The following SYNPR variants were observed in gnomAD, a reference collection of about 807,000 sequenced individuals.
SYNPR encodes synaptoporin.
Under a neutral mutation model 32.9 loss-of-function variants are expected in SYNPR, and 23 were observed. The observed-to-expected ratio is 0.70, with a 90% CI of 0.50 to 0.99. The LOEUF (loss-of-function observed/expected upper bound fraction) is 0.99. SYNPR is among the 50% of genes least tolerant of loss of function. The pLI is 0.00. For synonymous variants in SYNPR, 146 were observed against 135.9 expected (o/e 1.07, Z -0.52); for missense variants, 318 against 349.3 (o/e 0.91, Z 0.71).
chr3:63,587,475 A>G (rs1172576443), intron 4 of SYNPR, among the ~76,000 whole-genome samples: 1 of 152,104 alleles, frequency 6.6e-6, no homozygotes, highest in Non-Finnish European at 1.5e-5. Flanking sequence ...GTAGAATAGT[A>G]AGTTAATAAT....
rs975266140 is a variant in SYNPR, at chr3:63,615,316, T to C, written c.693T>C (p.Leu231=). 6.2e-7 allele frequency: 1 copy of C among 1,613,816 alleles called. No homozygotes were observed. The highest frequency in any genetic ancestry group is 1.3e-5 in the African/African-American group (1 of 74,914). ...GGCATTCTTCGGGACAGAGATATCT[T>C]TCAGATCCAATGGAGAAGCACTCCA... is the stretch of plus-strand genomic sequence containing the variant. ...TGWHSSGQRY[L]SDPMEKHSSS... Residue 231 remains leucine, a synonymous_variant, in exon 6 of 6, where the codon CTT becomes CTC. Coordinates refer to ENST00000478300, the MANE Select transcript of SYNPR (RefSeq NM_001130003.2).
intron 2 of SYNPR, among the ~76,000 whole-genome samples, chr3:63,453,279 G>A (rs1700414136): frequency 1.3e-5 from 2 of 152,100 alleles, no homozygotes; most frequent in South Asian, 4.1e-4. Context: ...TCTCTTCACA[G>A]AGGAGTCAGG....
chr3:63,280,695 C>T (rs2086622714), intron 2 of SYNPR, among the ~76,000 whole-genome samples: 1 of 150,820 alleles, frequency 6.6e-6, no homozygotes, highest in Admixed American at 6.6e-5. Context: ...CTGCAAAATA[C>T]CGTTTTATAG....
At chr3:63,257,959 C>CAA (rs1356287672) in intron 2 of SYNPR, among the ~76,000 whole-genome samples, 1 of 152,092 alleles carries the variant, frequency 6.6e-6, no homozygotes, top group African/African-American at 2.4e-5. Context: ...CAACAAAGAT[C>CAA]AAAAGAGACG....
intron 3 of SYNPR, among the ~76,000 whole-genome samples, chr3:63,520,222 A>G (rs150832337): frequency 2.4e-4 from 36 of 152,322 alleles, no homozygotes; most frequent in African/African-American, 8.7e-4. Flanking sequence ...TAACATTATA[A>G]ACAATGCTGC....
chr3:63,510,056 G>A (rs1388252890), intron 3 of SYNPR, among the ~76,000 whole-genome samples: 2 of 151,978 alleles, frequency 1.3e-5, no homozygotes, highest in Non-Finnish European at 2.9e-5. Context: ...CTATTTGGAG[G>A]CTTATATTTA....
At chr3:63,603,970 T>A (rs554955184) in intron 4 of SYNPR, among the ~76,000 whole-genome samples, 38 of 152,286 alleles carry the variant, frequency 2.5e-4, no homozygotes, top group Admixed American at 1.9e-3. Flanking sequence ...TGTGATTCCA[T>A]CTGGTCCTGG....
intron 3 of SYNPR, among the ~76,000 whole-genome samples, chr3:63,481,985 T>C (rs1026226443): frequency 6.6e-6 from 1 of 151,942 alleles, no homozygotes. Flanking sequence ...TCTCAAGATT[T>C]AAAAGTCAGC....
chr3:63,327,412 T>G (rs929082669), intron 2 of SYNPR, among the ~76,000 whole-genome samples: 1 of 152,118 alleles, frequency 6.6e-6, no homozygotes, highest in Non-Finnish European at 1.5e-5. Context: ...CCTATTTATG[T>G]ATTGTGTATG....
chr3:63,307,417 A>G (rs190574329), intron 2 of SYNPR, among the ~76,000 whole-genome samples: 4 of 152,176 alleles, frequency 2.6e-5, no homozygotes, highest in Non-Finnish European at 4.4e-5. Context: ...TATTATTAAC[A>G]AAGTGCTGAG....
intron 2 of SYNPR, among the ~76,000 whole-genome samples, chr3:63,286,158 G>C (rs1482805028): frequency 1.3e-5 from 2 of 152,116 alleles, no homozygotes; most frequent in Non-Finnish European, 2.9e-5. Context: ...TTTTACCATA[G>C]TATGAGTGAC....
At chr3:63,607,607 C>T (rs906510151) in intron 4 of SYNPR, among the ~76,000 whole-genome samples, 8 of 152,006 alleles carry the variant, frequency 5.3e-5, no homozygotes, top group Non-Finnish European at 1.2e-4. Context: ...GTTAAAATAC[C>T]CATGCCATCA....
intron 2 of SYNPR, among the ~76,000 whole-genome samples, chr3:63,261,949 G>T (rs1343451377): frequency 1.3e-5 from 2 of 151,806 alleles, no homozygotes; most frequent in African/African-American, 4.8e-5. Context: ...AATGGGTGCA[G>T]CATACCAACA....
At chr3:63,421,407 GA>G (rs1006816789) in intron 2 of SYNPR, among the ~76,000 whole-genome samples, 5 of 143,006 alleles carry the variant, frequency 3.5e-5, no homozygotes, top group East Asian at 2.0e-4. Flanking sequence ...TCCATACACT[GA>G]AAAAAAAAAC....
chr3:63,555,672 A>C (rs181148360), intron 3 of SYNPR, among the ~76,000 whole-genome samples: 68 of 152,330 alleles, frequency 4.5e-4, no homozygotes, highest in Non-Finnish European at 8.8e-5. Flanking sequence ...ATGATCTATC[A>C]GTCATCTTAC....
intron 2 of SYNPR, among the ~76,000 whole-genome samples, chr3:63,409,447 A>G (rs1224609013): frequency 6.6e-6 from 1 of 152,212 alleles, no homozygotes; most frequent in South Asian, 2.1e-4. Context: ...TCCATTCACT[A>G]TGAGTCCTAC....
At chr3:63,554,393 G>A (rs1365763115) in intron 3 of SYNPR, among the ~76,000 whole-genome samples, 1 of 152,172 alleles carries the variant, frequency 6.6e-6, no homozygotes, top group African/African-American at 2.4e-5. Context: ...TTTATATGGT[G>A]AAAGGTAAGG....
At chr3:63,524,631 G>T (rs1398582708) in intron 3 of SYNPR, among the ~76,000 whole-genome samples, 4 of 152,076 alleles carry the variant, frequency 2.6e-5, no homozygotes, top group African/African-American at 7.2e-5. Context: ...ATAGCAGTCT[G>T]GGAAAGCCAT....
chr3:63,354,778 A>G (rs1183436412), intron 2 of SYNPR, among the ~76,000 whole-genome samples: 2 of 152,206 alleles, frequency 1.3e-5, no homozygotes, highest in Admixed American at 1.3e-4. Flanking sequence ...AATACTGCAG[A>G]AATGATCATT....
Sources: gnomAD v4.1 joint callset for allele counts (sites outside exome capture counted in the v4.1 genomes callset) on GRCh38, gnomAD v4.1.1 for gene constraint, MANE v1.5 for transcripts, NCBI Gene and HGNC (gene_info 2026-07-23, HGNC 2026-07-21) for gene names.